TMEM117: variants seen among roughly 807,000 people sequenced by gnomAD.
The protein encoded by TMEM117 is transmembrane protein 117.
TMEM117 carries 27 observed loss-of-function variants against 52.4 expected under a neutral mutation model. The ratio of observed to expected loss-of-function variants is 0.51; its 90% CI spans 0.38 to 0.71. TMEM117 has a LOEUF of 0.71. Among genes scored for constraint, TMEM117 ranks in the 30% least tolerant of loss-of-function variants. The probability of loss-of-function intolerance (pLI) is 0.00; values close to 1 mark genes in which losing one functional copy is unlikely to be tolerated. For synonymous variants in TMEM117, 215 were observed against 206.3 expected (o/e 1.04, Z -0.36); for missense variants, 556 against 630.5 (o/e 0.88, Z 1.26).
chr12:44,227,997 A>G (rs867767000), intron 5 of TMEM117, among the ~76,000 whole-genome samples: 1 of 143,084 alleles, frequency 7.0e-6, no homozygotes, highest in Non-Finnish European at 1.5e-5. Context: ...AAGATGACTT[A>G]GAGAGAGACA....
chr12:43,910,065 C>A (rs1944468855), intron 2 of TMEM117, among the ~76,000 whole-genome samples: 1 of 119,186 alleles, frequency 8.4e-6, no homozygotes, highest in African/African-American at 2.9e-5. Context: ...AGACCAATAT[C>A]CTTGATGAAC....
the TMEM117 span, among the ~76,000 whole-genome samples, chr12:44,397,966 TTAC>T: frequency 2.0e-5 from 3 of 152,102 alleles, no homozygotes; most frequent in African/African-American, 7.2e-5. Context: ...TTACCATCAG[TTAC>T]CTCTTATCTA....
At chr12:44,163,100 A>C (rs890363910) in intron 4 of TMEM117, among the ~76,000 whole-genome samples, 1 of 152,250 alleles carries the variant, frequency 6.6e-6, no homozygotes, top group Non-Finnish European at 1.5e-5. Context: ...AACTTTAGAG[A>C]TGACTTGCTG....
chr12:44,039,275 A>C (rs1194234775), intron 3 of TMEM117, among the ~76,000 whole-genome samples: 2 of 151,882 alleles, frequency 1.3e-5, no homozygotes, highest in African/African-American at 2.4e-5. Context: ...AATTTTACAA[A>C]TCTGTGAGAT....
chr12:44,165,102 G>T (rs1486639342), intron 4 of TMEM117, among the ~76,000 whole-genome samples: 1 of 152,028 alleles, frequency 6.6e-6, no homozygotes, highest in East Asian at 1.9e-4. Context: ...ACTCTTCTCA[G>T]CCTCTGGTAA....
the TMEM117 span, among the ~76,000 whole-genome samples, chr12:43,807,474 G>A: frequency 6.6e-6 from 1 of 152,160 alleles, no homozygotes; most frequent in Admixed American, 6.5e-5. Flanking sequence ...ATGTAGGGAG[G>A]AGTTTCATTC....
At chr12:43,996,443 A>C (rs1280247293) in intron 3 of TMEM117, among the ~76,000 whole-genome samples, 1 of 152,128 alleles carries the variant, frequency 6.6e-6, no homozygotes, top group Non-Finnish European at 1.5e-5. Context: ...GGAGATCAAG[A>C]CCACCCTGGA....
At chr12:43,799,505 G>T in the TMEM117 span, 8 of 1,560,102 alleles carry the variant, frequency 5.1e-6, no homozygotes, top group Non-Finnish European at 7.0e-6. Flanking sequence ...ACATCTTCCT[G>T]TAAGTACAGA....
chr12:43,854,045 A>T (rs1409452904), intron 2 of TMEM117, among the ~76,000 whole-genome samples: 2 of 152,148 alleles, frequency 1.3e-5, no homozygotes, highest in African/African-American at 4.8e-5. Flanking sequence ...CGTTGCAGTG[A>T]AAAGGTAGGT....
chr12:43,798,099 G>A, the TMEM117 span, among the ~76,000 whole-genome samples: 2 of 152,054 alleles, frequency 1.3e-5, no homozygotes, highest in Admixed American at 6.5e-5. Context: ...TGTTTGGTTT[G>A]GCACAATTTC....
At chr12:44,343,152 C>G (rs1286255092) in intron 6 of TMEM117, among the ~76,000 whole-genome samples, 1 of 151,708 alleles carries the variant, frequency 6.6e-6, no homozygotes, top group Non-Finnish European at 1.5e-5. Context: ...GGGGTTTCGC[C>G]ATGTTGGCCA....
chr12:43,933,270 G>A (rs1944900577), intron 2 of TMEM117, among the ~76,000 whole-genome samples: 1 of 151,798 alleles, frequency 6.6e-6, no homozygotes, highest in Admixed American at 6.6e-5. Context: ...CACGATCTCG[G>A]CTCACTGCAG....
intron 6 of TMEM117, among the ~76,000 whole-genome samples, chr12:44,371,427 A>G (rs1310585909): frequency 2.0e-5 from 3 of 152,224 alleles, no homozygotes; most frequent in Non-Finnish European, 4.4e-5. Context: ...GTAACATTTA[A>G]GAATTTATAG....
chr12:44,157,635 G>A (rs974011283), intron 4 of TMEM117, among the ~76,000 whole-genome samples: 2 of 152,016 alleles, frequency 1.3e-5, no homozygotes, highest in Non-Finnish European at 2.9e-5. Flanking sequence ...TATACCTGAT[G>A]TTAGTGTTAT....
intron 3 of TMEM117, among the ~76,000 whole-genome samples, chr12:44,033,219 A>G (rs1374537405): frequency 1.3e-5 from 2 of 152,212 alleles, no homozygotes; most frequent in South Asian, 2.1e-4. Context: ...ATTACCCTGT[A>G]TGGTCTGAAA....
At chr12:44,212,944 T>TAA (rs1715397817) in intron 5 of TMEM117, among the ~76,000 whole-genome samples, 1 of 152,128 alleles carries the variant, frequency 6.6e-6, no homozygotes, top group Admixed American at 6.6e-5. Flanking sequence ...TCTTAACAGG[T>TAA]AAACAAAAGT....
In TMEM117 at chr12:43,850,149, C is replaced by T. The variant is rs118062126; in HGVS notation, c.277+5221C>T. Reference sequence around the variant, plus strand: ...AGGGCCTTACTAACAGAAGCCATGTCTCGGTACCTGTGAGATGATGGATCC... The same window carrying T: ...AGGGCCTTACTAACAGAAGCCATGTTTCGGTACCTGTGAGATGATGGATCC... On this transcript the variant is annotated intron_variant, in intron 2 of 7. Transcript: ENST00000266534. 9.2e-3 allele frequency among the ~76,000 whole-genome samples: 1,394 copies of T among 152,282 alleles called. 38 individuals carry two copies. Among genetic ancestry groups the T allele is most frequent in the East Asian group, 0.067 (345 of 5,178 alleles).
At chr12:44,077,893 T>C (rs1487621641) in intron 3 of TMEM117, among the ~76,000 whole-genome samples, 1 of 152,180 alleles carries the variant, frequency 6.6e-6, no homozygotes, top group Non-Finnish European at 1.5e-5. Context: ...AATATTTTCC[T>C]CTCAAAGACA....
intron 5 of TMEM117, among the ~76,000 whole-genome samples, chr12:44,213,100 A>C (rs1329940204): frequency 1.2e-4 from 18 of 152,308 alleles, no homozygotes; most frequent in African/African-American, 4.1e-4. Flanking sequence ...TTTTCTGAAT[A>C]ATATATAATT....
Sources: gnomAD v4.1 joint callset for allele counts (sites outside exome capture counted in the v4.1 genomes callset) on GRCh38, gnomAD v4.1.1 for gene constraint, MANE v1.5 for transcripts, NCBI Gene and HGNC (gene_info 2026-07-23, HGNC 2026-07-21) for gene names.